Variants in NAV2 observed in about 807,000 individuals in gnomAD.
The protein encoded by NAV2 is neuron navigator 2.
A neutral mutation model predicts 223.2 loss-of-function variants in NAV2; 54 were observed. The ratio of observed to expected loss-of-function variants is 0.24; its 90% confidence interval spans 0.19 to 0.30. NAV2 has a LOEUF of 0.30. NAV2 is among the 10% of genes least tolerant of loss of function. NAV2 has a pLI of 1.00. For missense variants in NAV2, 2,806 were observed against 3,147.5 expected, an observed-to-expected ratio of 0.89 and a Z score of 2.60; for synonymous variants, 1,279 against 1,239.3, an observed-to-expected ratio of 1.03 and a Z score of -0.67.
chr11:19,502,268 T>C (rs2042984733), intron 1 of NAV2, among the ~76,000 whole-genome samples: 1 of 152,216 alleles, frequency 6.6e-6, no homozygotes, highest in Non-Finnish European at 1.5e-5. Context: ...TACTTAATCA[T>C]TCTGTGCCTC....
At chr11:19,874,380 C>T (rs945648847) in intron 4 of NAV2, among the ~76,000 whole-genome samples, 3 of 152,196 alleles carry the variant, frequency 2.0e-5, no homozygotes, top group African/African-American at 7.2e-5. Flanking sequence ...TGGGTTTAGC[C>T]ACAACTGGCT....
chr11:19,801,277 C>G (rs550917969), intron 1 of NAV2, among the ~76,000 whole-genome samples: 4 of 152,210 alleles, frequency 2.6e-5, no homozygotes, highest in Non-Finnish European at 4.4e-5. Context: ...GGTGGTGCGG[C>G]CTGCCCCCTG....
At chr11:20,114,174 C>T (rs191706003) in intron 36 of NAV2, among the ~76,000 whole-genome samples, 7 of 152,350 alleles carry the variant, frequency 4.6e-5, no homozygotes, top group Admixed American at 1.3e-4. Flanking sequence ...TCCAACTCCA[C>T]ATCCAGTGAC....
intron 1 of NAV2, among the ~76,000 whole-genome samples, chr11:19,815,027 T>A (rs1202858995): frequency 1.3e-5 from 2 of 152,164 alleles, no homozygotes; most frequent in African/African-American, 4.8e-5. Flanking sequence ...TGATCTATTA[T>A]AAAAACGTTT....
rs752964068 is a variant in NAV2, at chr11:19,571,374, G to A, written c.75+220347G>A. 6.6e-5 allele frequency among the ~76,000 whole-genome samples: 10 copies of A among 152,300 alleles called. No individual in the cohort carries two copies. The East Asian group carries it at 1.3e-3, about 21-fold the overall frequency. ...GGAACCACTTAGAAGTGAAGGCTAC[G>A]CAGCATTATGAAAGTACTAAGTGTC... is the stretch of plus-strand genomic sequence containing the variant. On this transcript the variant is annotated intron_variant, in intron 1 of 37. Coordinates refer to the NAV2 transcript ENST00000360655.
Position 19,675,218 on chromosome 11 carries a change from G to T in NAV2, c.76-157266G>T, listed in dbSNP as rs1201179982. Among the ~76,000 whole-genome samples the T allele has an allele frequency of 3.3e-5, 5 of 152,050 alleles. No homozygotes were observed. In the South Asian group the frequency reaches 1.0e-3, roughly 32 times the overall value. ...CCTCTCTAGCTCTCCCTGACTCTAC[G>T]CCATGGATGTACACTTAAACTTTAA... On this transcript the variant is annotated intron_variant, in intron 1 of 37. Transcript: ENST00000360655.
intron 1 of NAV2, among the ~76,000 whole-genome samples, chr11:19,577,884 A>G (rs550146734): frequency 1.3e-5 from 2 of 152,302 alleles, no homozygotes; most frequent in South Asian, 4.2e-4. Flanking sequence ...AGAAGGCAGC[A>G]TGTGCACAGG....
intron 5 of NAV2, among the ~76,000 whole-genome samples, chr11:19,890,496 G>C (rs538133525): frequency 1.3e-5 from 2 of 152,196 alleles, no homozygotes; most frequent in African/African-American, 4.8e-5. Flanking sequence ...CCACACTGTG[G>C]TAGAATACTG....
chr11:20,008,992 G>A (rs1026571958), intron 11 of NAV2, among the ~76,000 whole-genome samples: 3 of 152,046 alleles, frequency 2.0e-5, no homozygotes, highest in Admixed American at 6.6e-5. Context: ...TAGTCCCATC[G>A]TGTTCAACCA....
chr11:19,935,849 C>CTTTT (rs1565594361), intron 7 of NAV2, among the ~76,000 whole-genome samples: 1 of 69,440 alleles, frequency 1.4e-5, no homozygotes, highest in African/African-American at 4.3e-5. Context: ...TGTTTTGTTT[C>CTTTT]TGTTTTTTTT....
intron 1 of NAV2, among the ~76,000 whole-genome samples, chr11:19,690,563 G>T (rs1344185897): frequency 1.3e-5 from 2 of 152,168 alleles, no homozygotes; most frequent in Non-Finnish European, 1.5e-5. Flanking sequence ...GCTCAAAAAT[G>T]TTAATTAATT....
chr11:19,855,401 C>T (rs912972413), intron 3 of NAV2, among the ~76,000 whole-genome samples: 4 of 152,176 alleles, frequency 2.6e-5, no homozygotes, highest in African/African-American at 9.7e-5. Flanking sequence ...ATCCTTGATT[C>T]CCCTGTCTAC....
At chr11:19,616,340 G>C (rs1413840009) in intron 1 of NAV2, among the ~76,000 whole-genome samples, 1 of 150,676 alleles carries the variant, frequency 6.6e-6, no homozygotes, top group South Asian at 2.1e-4. Context: ...GTGTGTGCGC[G>C]CGCATGATCT....
intron 1 of NAV2, among the ~76,000 whole-genome samples, chr11:19,819,670 TGAAAG>T (rs1308587938): frequency 2.0e-5 from 3 of 152,092 alleles, no homozygotes; most frequent in African/African-American, 4.8e-5. Flanking sequence ...ACGGAAATAA[TGAAAG>T]GAAACTAACA....
chr11:19,793,213 AAAAAAAAAAAAAAAAAGAAAG>A (rs996372110), intron 1 of NAV2, among the ~76,000 whole-genome samples: 15 of 134,932 alleles, frequency 1.1e-4, no homozygotes, highest in Middle Eastern at 3.7e-3. Context: ...TCTCAAAAAA[AAAAAAAAAAAAAAAAAGAAAG>A]AAAGAAAGAA....
At position 20,107,717 on chromosome 11, in the gene NAV2, T is replaced by C. The variant is rs778084269; in HGVS notation, c.6895T>C (p.Phe2299Leu). The part of the protein sequence containing the change: ...PIDVDGSRVW[F>L]TDLWNYSIIP... ...CGATGTGGACGGCTCGAGAGTGTGG[T>C]TCACCGACTTGTGGAACTATTCCAT... Residue 2299 changes from phenylalanine (F) to leucine (L), a missense_variant, in exon 36 of 38, where the codon TTC (phenylalanine) becomes CTC (leucine). Phe to Leu is a conservative substitution (Grantham distance 22). Around this residue, in one of 4 missense-constraint regions of NAV2, gnomAD observed 824 missense variants for 1,069.4 expected, o/e 0.77. Coordinates refer to ENST00000349880, the MANE Select transcript of NAV2 (RefSeq NM_145117.5). 1 of 1,614,184 alleles carries C rather than the reference T, an allele frequency of 6.2e-7. No homozygotes were observed. The highest frequency in any genetic ancestry group is 8.5e-7 in the Non-Finnish European group (1 of 1,180,032).
rs1007084541 is a variant in NAV2 at position 20,073,639 on chromosome 11, T to C, written c.4984-3913T>C. Among the ~76,000 whole-genome samples the C allele has an allele frequency of 9.3e-4, 142 of 152,268 alleles. 3 individuals are homozygous for C. The highest frequency in any genetic ancestry group is 2.4e-4 in the Non-Finnish European group (16 of 67,998). On this transcript the variant is annotated intron_variant, in intron 22 of 37. Transcript: ENST00000349880. ...CTTCTTATTGGTCTTCTCAGGGATT[T>C]GACTTCTTCCTGGTTTAGTCTTGGG... is the stretch of plus-strand genomic sequence containing the variant.
intron 1 of NAV2, among the ~76,000 whole-genome samples, chr11:19,737,004 A>G (rs1863257): frequency 0.029 from 4,469 of 152,340 alleles, 206 homozygotes; most frequent in African/African-American, 0.1. Flanking sequence ...AAAGAACTGT[A>G]GTGCCAGCCA....
intron 2 of NAV2, among the ~76,000 whole-genome samples, chr11:19,834,594 C>A (rs1816814): frequency 0.67 from 101,850 of 151,316 alleles, 35,111 homozygotes; most frequent in African/African-American, 0.81. Context: ...ATGGAAATAC[C>A]ACTTGCATCT....
Sources: allele counts gnomAD v4.1 joint callset (sites outside exome capture counted in the v4.1 genomes callset), GRCh38; gene constraint gnomAD v4.1.1; regional missense constraint gnomAD v4.1.1; transcripts MANE v1.5; gene names NCBI Gene and HGNC (gene_info 2026-07-23, HGNC 2026-07-21).